The following PCDHA12 variants were observed in gnomAD, a reference collection of about 807,000 sequenced individuals.
The protein encoded by PCDHA12 is protocadherin alpha 12.
In PCDHA12, 44 loss-of-function variants were observed where a neutral mutation model predicts 60.0. The ratio of observed to expected loss-of-function variants is 0.73; its 90% CI spans 0.58 to 0.94. The LOEUF is 0.94. Among genes scored for constraint, PCDHA12 ranks in the 40% least tolerant of loss-of-function variants. The pLI is 0.00. For missense variants in PCDHA12, 1,276 were observed against 1,239.7 expected (o/e 1.03, Z -0.44); for synonymous variants, 569 against 553.0 (o/e 1.03, Z -0.40).
chr5:140,974,330 A>G (rs542172748), intron 1 of PCDHA12, among the ~76,000 whole-genome samples: 1 of 152,346 alleles, frequency 6.6e-6, no homozygotes, highest in African/African-American at 2.4e-5. Flanking sequence ...CTGCTGTGCT[A>G]GCAGGCTATG....
At chr5:140,896,140 C>A (rs1415728420) in intron 1 of PCDHA12, among the ~76,000 whole-genome samples, 6 of 152,140 alleles carry the variant, frequency 3.9e-5, no homozygotes, top group Non-Finnish European at 7.4e-5. Flanking sequence ...ATCCAGTGCA[C>A]CATTGATGGG....
At chr5:140,961,652 G>A (rs2095627629) in intron 1 of PCDHA12, among the ~76,000 whole-genome samples, 1 of 152,212 alleles carries the variant, frequency 6.6e-6, no homozygotes, top group Non-Finnish European at 1.5e-5. Context: ...TATGTGGTTA[G>A]TTTGAAGTTA....
chr5:140,967,228 G>A (rs1316363900), intron 1 of PCDHA12: 3 of 1,613,652 alleles, frequency 1.9e-6, no homozygotes, highest in Non-Finnish European at 2.5e-6. Flanking sequence ...CCAACTACCA[G>A]CTTCAGGTAA....
intron 1 of PCDHA12, among the ~76,000 whole-genome samples, chr5:140,896,022 G>A (rs940712653): frequency 6.6e-6 from 1 of 152,136 alleles, no homozygotes; most frequent in East Asian, 1.9e-4. Context: ...TGTTGGCCAG[G>A]CTGGTCTCGA....
In PCDHA12 at chr5:140,958,013, G is replaced by A. The variant is rs553596138; in HGVS notation, c.2368-20936G>A. 2.6e-5 allele frequency among the ~76,000 whole-genome samples: 4 copies of A among 152,110 alleles called. No individual in the cohort carries two copies. In the South Asian group the frequency reaches 8.3e-4, roughly 32 times the overall value. On this transcript the variant is annotated intron_variant, in intron 1 of 3. Coordinates refer to ENST00000398631, the MANE Select transcript of PCDHA12 (RefSeq NM_018903.4). ...CAGATTTTTTGTTTCAATTCTATCA[G>A]CCAAGTATACTATGCTTTCTTTGCT...
chr5:140,971,500 TAGG>T (rs2096483491), intron 1 of PCDHA12, among the ~76,000 whole-genome samples: 2 of 152,136 alleles, frequency 1.3e-5, no homozygotes, highest in Admixed American at 1.3e-4. Flanking sequence ...TGTGGCAAGA[TAGG>T]AGCAAAAGCC....
intron 3 of PCDHA12, among the ~76,000 whole-genome samples, chr5:141,001,004 T>C (rs2097982470): frequency 1.3e-5 from 2 of 152,368 alleles, no homozygotes; most frequent in South Asian, 4.1e-4. Flanking sequence ...TTTAAATATG[T>C]ATTTAGATAT....
chr5:140,905,437 C>T (rs190555934), intron 1 of PCDHA12, among the ~76,000 whole-genome samples: 1 of 152,130 alleles, frequency 6.6e-6, no homozygotes, highest in Non-Finnish European at 1.5e-5. Flanking sequence ...ATAACTACAG[C>T]CTTTTAGTAT....
intron 3 of PCDHA12, among the ~76,000 whole-genome samples, chr5:141,002,678 C>T (rs1361402849): frequency 6.6e-6 from 1 of 152,136 alleles, no homozygotes; most frequent in Non-Finnish European, 1.5e-5. Context: ...AAAACCTATA[C>T]GACGTGCAGA....
At chr5:140,989,802 G>C (rs2153885493) in intron 3 of PCDHA12, among the ~76,000 whole-genome samples, 2 of 152,336 alleles carry the variant, frequency 1.3e-5, no homozygotes, top group South Asian at 4.1e-4. Flanking sequence ...CCAGGAAAGG[G>C]CCATAAGATT....
chr5:140,955,889 GT>G (rs1305358742), intron 1 of PCDHA12, among the ~76,000 whole-genome samples: 2 of 151,880 alleles, frequency 1.3e-5, no homozygotes, highest in Non-Finnish European at 2.9e-5. Flanking sequence ...ATTCCTAGGT[GT>G]TTTATTCTCT....
chr5:140,941,210 T>TTC (rs2092846943), intron 1 of PCDHA12, among the ~76,000 whole-genome samples: 12 of 100,630 alleles, frequency 1.2e-4, no homozygotes, highest in Admixed American at 4.7e-4. Context: ...TTCCTTTCTT[T>TTC]CTTCCTTTCT....
chr5:140,985,421 G>T (rs1554247049), intron 3 of PCDHA12, among the ~76,000 whole-genome samples: 1 of 152,110 alleles, frequency 6.6e-6, no homozygotes, highest in African/African-American at 2.4e-5. Context: ...GGAGTGAGGA[G>T]GATTTATTAG....
intron 1 of PCDHA12, among the ~76,000 whole-genome samples, chr5:140,888,588 C>G (rs1419931317): frequency 6.6e-6 from 1 of 152,212 alleles, no homozygotes; most frequent in Non-Finnish European, 1.5e-5. Flanking sequence ...TGTTAGTACA[C>G]ATTCAGAGCA....
In PCDHA12 at chr5:141,010,671, A is replaced by T. The variant is rs375520397; in HGVS notation, c.*734A>T. The T allele has an allele frequency of 5.7e-4, 94 of 164,082 alleles. 1 individual carries two copies. Among genetic ancestry groups the T allele is most frequent in the Non-Finnish European group, 1.2e-3 (86 of 74,622 alleles). The allele number at this position is 164,082 out of a possible 1,614,324, so 10.2% of individuals were successfully genotyped here. A position where few individuals can be genotyped will look rare whatever the true frequency, so the allele number is the denominator to read the frequency against. On this transcript the variant is annotated 3_prime_UTR_variant, in exon 4 of 4. Transcript: ENST00000398631. Reference sequence around the variant, plus strand: ...TGTTTTAACAGAGAACCACCCTGGGAAACAGAAGCAGATCTGATGTGTTTC... The same window carrying T: ...TGTTTTAACAGAGAACCACCCTGGGTAACAGAAGCAGATCTGATGTGTTTC...
chr5:140,990,611 G>T lies in PCDHA12; in HGVS notation c.2515+8048G>T, dbSNP rs577900189. ...AATCACCTGGAGTCAGATGAATACCGTAAAGGTCTGTGGTAAGACTAGAAG... is the reference window on the plus strand; with the variant it reads ...AATCACCTGGAGTCAGATGAATACCTTAAAGGTCTGTGGTAAGACTAGAAG... On this transcript the variant is annotated intron_variant, in intron 3 of 3. Transcript: ENST00000398631. 5.3e-5 allele frequency among the ~76,000 whole-genome samples: 8 copies of T among 152,230 alleles called. No homozygotes were observed. In the East Asian group the frequency reaches 9.6e-4, roughly 18 times the overall value.
intron 1 of PCDHA12, chr5:140,967,700 G>T: frequency 6.2e-7 from 1 of 1,614,196 alleles, no homozygotes; most frequent in Non-Finnish European, 8.5e-7. Context: ...CAGCATAGAT[G>T]CCAGTACCGG....
chr5:140,909,970 G>A (rs76359002), intron 1 of PCDHA12, among the ~76,000 whole-genome samples: 2,125 of 152,312 alleles, frequency 0.014, 45 homozygotes, highest in African/African-American at 0.049. Flanking sequence ...CATGGGGAAG[G>A]ATGGGAGAAA....
intron 1 of PCDHA12, chr5:140,930,381 A>G (rs569032116): frequency 2.0e-5 from 3 of 152,008 alleles, no homozygotes; most frequent in East Asian, 3.9e-4. Flanking sequence ...GGCCCTTGGC[A>G]TTTCAAAACT....
Sources: allele counts gnomAD v4.1 joint callset (sites outside exome capture counted in the v4.1 genomes callset), GRCh38; gene constraint gnomAD v4.1.1; transcripts MANE v1.5; gene names NCBI Gene and HGNC (gene_info 2026-07-23, HGNC 2026-07-21).